The following SUMO3 variants were observed in gnomAD, a reference collection of about 807,000 sequenced individuals.
The protein encoded by SUMO3 is small ubiquitin-related modifier 3.
In SUMO3, 2 loss-of-function variants were observed where a neutral mutation model predicts 11.1. That is an observed-to-expected ratio of 0.18 (90% CI 0.07 to 0.57). SUMO3 has a LOEUF of 0.57. Among genes scored for constraint, SUMO3 ranks in the 20% least tolerant of loss-of-function variants. The pLI is 0.92. For synonymous variants in SUMO3, 56 were observed against 53.5 expected (o/e 1.05, Z -0.20); for missense variants, 70 against 132.8 (o/e 0.53, Z 2.32).
In SUMO3 at chr21:44,807,014, G is replaced by A. The variant is rs751362750; in HGVS notation, c.249C>T (p.Ile83=). ...AQLEMEDEDT[I]DVFQQQTGGV... ...CTCCCGTCTGCTGCTGGAACACGTC[G>A]ATGGTGTCCTCGTCCTCCATCTCCA... Residue 83 remains isoleucine (I), a synonymous_variant, in exon 4 of 4, where the codon ATC becomes ATT. Transcript: ENST00000332859. The surrounding 1 kb of genome is among the most constrained non-coding windows in gnomAD (Gnocchi z 4.3). 215 of 1,613,930 alleles carry A rather than the reference G, an allele frequency of 1.3e-4. 1 individual carries two copies. Among genetic ancestry groups the A allele is most frequent in the South Asian group, 6.8e-4 (62 of 91,092 alleles).
rs1316491532 is a variant in SUMO3, at chr21:44,811,097, CAT to C, written c.151-1981_151-1980del. The stretch of plus-strand genomic sequence containing the variant: ...ACGAATGCACACATGCACACACCCA[CAT>C]ACACACACATGCACACACCCACATA... On this transcript the variant is annotated intron_variant, in intron 2 of 3. Coordinates refer to ENST00000332859, the MANE Select transcript of SUMO3 (RefSeq NM_006936.3). This position sits in a 1 kb window ranked among gnomAD's most constrained non-coding sequence, Gnocchi z 5.0. Among the ~76,000 whole-genome samples, 1 of 150,214 alleles carries C rather than the reference CAT, an allele frequency of 6.7e-6. No individual in the cohort carries two copies. Among genetic ancestry groups the C allele is most frequent in the Non-Finnish European group, 1.5e-5 (1 of 67,704 alleles).
At chr21:44,816,841 G>T (rs1302430048) in intron 1 of SUMO3, among the ~76,000 whole-genome samples, 1 of 145,882 alleles carries the variant, frequency 6.9e-6, no homozygotes, top group East Asian at 2.1e-4. Flanking sequence ...GCAATGCAGA[G>T]AAGTGGGCGC....
At chr21:44,812,622 A>C (rs1351544647) in intron 2 of SUMO3, among the ~76,000 whole-genome samples, 2 of 152,220 alleles carry the variant, frequency 1.3e-5, no homozygotes, top group African/African-American at 2.4e-5. Context: ...CTAATCCAGG[A>C]AACACCCAAG....
intron 1 of SUMO3, among the ~76,000 whole-genome samples, chr21:44,815,142 G>C (rs929841732): frequency 2.0e-5 from 3 of 152,234 alleles, no homozygotes; most frequent in East Asian, 1.9e-4. Flanking sequence ...TCACACGCCT[G>C]TTCTCTCCAC....
chr21:44,816,627 G>C (rs1412461807), intron 1 of SUMO3, among the ~76,000 whole-genome samples: 1 of 152,182 alleles, frequency 6.6e-6, no homozygotes, highest in Non-Finnish European at 1.5e-5. Flanking sequence ...TGCACACCAA[G>C]GGCTTCGGAA....
intron 2 of SUMO3, chr21:44,813,535 G>T: frequency 2.6e-6 from 1 of 384,668 alleles, no homozygotes; most frequent in Admixed American, 4.0e-5. Flanking sequence ...AAACCACACC[G>T]CACATGAGGG....
At chr21:44,815,608 C>T (rs536671377) in intron 1 of SUMO3, among the ~76,000 whole-genome samples, 13 of 152,288 alleles carry the variant, frequency 8.5e-5, no homozygotes, top group Admixed American at 7.8e-4. Flanking sequence ...CTGCATGAGC[C>T]CCCTTCACTT....
At chr21:44,812,223 A>AT (rs1425486146) in intron 2 of SUMO3, among the ~76,000 whole-genome samples, 2 of 151,622 alleles carry the variant, frequency 1.3e-5, no homozygotes, top group African/African-American at 2.4e-5. Flanking sequence ...CACCTGGCTA[A>AT]TTTTTTTAAT....
At chr21:44,817,828 CGGGGAGGGG>C (rs2083256824) in intron 1 of SUMO3, 111 bp downstream of exon 1, 1 of 101,750 alleles carries the variant, frequency 9.8e-6, no homozygotes, top group Non-Finnish European at 2.0e-5. Context: ...CTCTAGAGGG[CGGGGAGGGG>C]CGGAGCCTGT....
At chr21:44,809,798 A>G (rs755035490) in intron 2 of SUMO3, among the ~76,000 whole-genome samples, 4 of 152,224 alleles carry the variant, frequency 2.6e-5, no homozygotes, top group Non-Finnish European at 5.9e-5. Flanking sequence ...TAGCTTTTCA[A>G]TCAAAGTTTC....
intron 2 of SUMO3, among the ~76,000 whole-genome samples, chr21:44,812,694 G>T (rs2083219537): frequency 6.6e-6 from 1 of 152,226 alleles, no homozygotes; most frequent in Non-Finnish European, 1.5e-5. Context: ...TGAGCAGCCA[G>T]CCTCACAAGC....
chr21:44,806,631 G>T lies in SUMO3; in HGVS notation c.*320C>A. On this transcript the variant is annotated 3_prime_UTR_variant, in exon 4 of 4. Transcript: ENST00000332859. ...TCAGATCCCTGGCCAGACTAAAAGC[G>T]AACATTCAGGCTATAATTTTGGGGT... The T allele has an allele frequency of 2.5e-6, 1 of 399,934 alleles. No homozygotes were observed. The highest frequency in any genetic ancestry group is 4.3e-6 in the Non-Finnish European group (1 of 232,946). 24.8% of individuals were successfully genotyped at this position (399,934 alleles called of 1,614,324 possible).
chr21:44,813,444 C>T (rs529652832), intron 2 of SUMO3: 33 of 214,910 alleles, frequency 1.5e-4, no homozygotes, highest in Non-Finnish European at 2.6e-4. Flanking sequence ...TGGGCACTGC[C>T]AGTGGGGCAG....
rs868758799 is a variant in SUMO3, at chr21:44,807,610, C to G, written c.223-570G>C. 2.6e-5 allele frequency among the ~76,000 whole-genome samples: 4 copies of G among 152,290 alleles called. No homozygotes were observed. The highest frequency in any genetic ancestry group is 3.4e-3 in the Middle Eastern group (1 of 294). On this transcript the variant is annotated intron_variant, in intron 3 of 3. Transcript: ENST00000332859. The surrounding 1 kb of genome is among the most constrained non-coding windows in gnomAD (Gnocchi z 4.3). ...CTCCTGACACAGTGGGCGCAAAACA[C>G]CCACCCTGATCTTCTTCCATCCTCT...
rs956584927 is a variant in SUMO3 at position 44,807,751 on chromosome 21, G to A, written c.223-711C>T. Among the ~76,000 whole-genome samples the A allele has an allele frequency of 6.6e-6, 1 of 152,096 alleles. No individual in the cohort carries two copies. The highest frequency in any genetic ancestry group is 2.4e-5 in the African/African-American group (1 of 41,408). ...TGTCGGCCACCCTCACCCTGCCACC[G>A]ACACTATGGGCTGGAGGGAGAGCCC... On this transcript the variant is annotated intron_variant, in intron 3 of 3. Transcript: ENST00000332859. This position sits in a 1 kb window ranked among gnomAD's most constrained non-coding sequence, Gnocchi z 4.3.
chr21:44,806,842 G>A lies in SUMO3; in HGVS notation c.*109C>T, dbSNP rs1010695275. ...GTACATCAAAGAGAGGAAAATCATCGTGGTGAATGTCCTCGAGTTTCCGCA... is the reference window on the plus strand; with the variant it reads ...GTACATCAAAGAGAGGAAAATCATCATGGTGAATGTCCTCGAGTTTCCGCA... On this transcript the variant is annotated 3_prime_UTR_variant, in exon 4 of 4. Coordinates refer to ENST00000332859, the MANE Select transcript of SUMO3 (RefSeq NM_006936.3). 7 of 1,510,742 alleles carry A rather than the reference G, an allele frequency of 4.6e-6. No individual in the cohort carries two copies. Among genetic ancestry groups the A allele is most frequent in the South Asian group, 2.5e-5 (2 of 78,826 alleles). The allele number at this position is 1,510,742 out of a possible 1,614,324, so 93.6% of individuals were successfully genotyped here.
intron 2 of SUMO3, 40 bp downstream of exon 2, chr21:44,813,936 C>A: frequency 1.2e-6 from 2 of 1,604,092 alleles, no homozygotes; most frequent in East Asian, 2.2e-5. Context: ...AGGACCAGTG[C>A]GCACACGGGG....
Position 44,806,974 on chromosome 21 carries a change from T to C in SUMO3, c.289A>G (p.Ser97Gly). ...QQQTGGVPES[S>G]LAGHSF Reference sequence around the variant, plus strand: ...CTCTAGAAACTGTGCCCTGCCAGGCTGCTCTCCGGCACACCTCCCGTCTGC... The same window carrying C: ...CTCTAGAAACTGTGCCCTGCCAGGCCGCTCTCCGGCACACCTCCCGTCTGC... The change falls in exon 4 of 4, where the codon AGC (serine) becomes GGC (glycine). Residue 97 changes from serine (S) to glycine (G), a missense_variant. Transcript: ENST00000332859. The C allele has an allele frequency of 1.2e-6, 2 of 1,614,104 alleles. No homozygotes were observed. The highest frequency in any genetic ancestry group is 8.5e-7 in the Non-Finnish European group (1 of 1,180,012).
rs1428105275 is a variant in SUMO3 at position 44,805,923 on chromosome 21, G to A, written c.*1028C>T. 1 of 152,444 alleles carries A rather than the reference G, an allele frequency of 6.6e-6. No homozygotes were observed. Among genetic ancestry groups the A allele is most frequent in the African/African-American group, 2.4e-5 (1 of 41,404 alleles). The allele number at this position is 152,444 out of a possible 1,614,324, so 9.4% of individuals were successfully genotyped here. On this transcript the variant is annotated 3_prime_UTR_variant, in exon 4 of 4. Transcript: ENST00000332859. Reference sequence around the variant, plus strand: ...ATATTTCACAGAACTGAAATCACCAGACTAATGCATAAATTCAATACCTAT... The same window carrying A: ...ATATTTCACAGAACTGAAATCACCAAACTAATGCATAAATTCAATACCTAT...
Sources: gnomAD v4.1 joint callset for allele counts (sites outside exome capture counted in the v4.1 genomes callset) on GRCh38, gnomAD v4.1.1 for gene constraint, Gnocchi (gnomAD v3.1) non-coding constraint, MANE v1.5 for transcripts, NCBI Gene and HGNC (gene_info 2026-07-23, HGNC 2026-07-21) for gene names.